HDAC8: variants seen among roughly 807,000 people sequenced by gnomAD.
The protein encoded by HDAC8 is histone deacetylase 8, also known as histone deacetylase-like 1.
HDAC8 carries 1 observed loss-of-function variant against 32.2 expected under a neutral mutation model. The observed-to-expected ratio is 0.03, with a 90% CI of 0.01 to 0.15. The LOEUF (loss-of-function observed/expected upper bound fraction) is 0.15, where lower values mean the gene tolerates loss of function less well. Among genes scored for constraint, HDAC8 ranks in the 10% least tolerant of loss-of-function variants. HDAC8 has a pLI of 1.00. For synonymous variants in HDAC8, 108 were observed against 113.9 expected (o/e 0.95, Z 0.33); for missense variants, 117 against 300.0 (o/e 0.39, Z 4.51).
chrX:72,345,953 G>T (rs2044016604), intron 10 of HDAC8, among the ~76,000 whole-genome samples: 1 of 111,850 alleles, frequency 8.9e-6, no homozygotes, highest in Non-Finnish European at 1.9e-5. Context: ...CAAAGTGCTG[G>T]ATTACAAGCT....
intron 9 of HDAC8, among the ~76,000 whole-genome samples, chrX:72,359,727 T>G (rs1285545410): frequency 9.2e-6 from 1 of 109,263 alleles, no homozygotes; most frequent in Non-Finnish European, 1.9e-5. Flanking sequence ...TGAACCAGAG[T>G]GATTGCTGTG....
At chrX:72,487,649 C>T (rs963959588) in intron 7 of HDAC8, among the ~76,000 whole-genome samples, 8 of 107,976 alleles carry the variant, frequency 7.4e-5, no homozygotes, top group African/African-American at 2.7e-4. Flanking sequence ...GAGTGCTGAC[C>T]TTTCAATTAA....
chrX:72,556,154 G>A (rs1382014167), intron 4 of HDAC8, among the ~76,000 whole-genome samples: 2 of 111,819 alleles, frequency 1.8e-5, no homozygotes, highest in Non-Finnish European at 3.8e-5. Flanking sequence ...TGGAAACTAA[G>A]CTTCATAAAT....
intron 9 of HDAC8, among the ~76,000 whole-genome samples, chrX:72,449,423 T>C (rs1555986558): frequency 9.0e-6 from 1 of 110,560 alleles, no homozygotes; most frequent in African/African-American, 3.3e-5. Flanking sequence ...CACTGGGTCC[T>C]GTTGGGGTTG....
intron 9 of HDAC8, among the ~76,000 whole-genome samples, chrX:72,419,730 T>C (rs1315364275): frequency 2.7e-5 from 3 of 111,505 alleles, no homozygotes; most frequent in Admixed American, 1.9e-4. Context: ...AGTATGACAT[T>C]AGCTGTAGGT....
In HDAC8 at chrX:72,383,645, C is replaced by T. The variant is rs1291916234; in HGVS notation, c.1006-31807G>A. ...CAGCACTTTGGGAGGCCGAGGCGGG[C>T]GGATCACGAGGTCAGGAGATCGAGA... On this transcript the variant is annotated intron_variant, in intron 9 of 10. Transcript: ENST00000373573. 4.5e-5 allele frequency among the ~76,000 whole-genome samples: 5 copies of T among 110,490 alleles called. No individual in the cohort carries two copies. In the South Asian group the frequency reaches 1.2e-3, roughly 26 times the overall value.
intron 9 of HDAC8, among the ~76,000 whole-genome samples, chrX:72,420,554 T>C (rs1362719471): frequency 8.9e-6 from 1 of 112,445 alleles, no homozygotes; most frequent in East Asian, 2.8e-4. Context: ...AAACAAATTT[T>C]GGCTTTGATT....
intron 9 of HDAC8, among the ~76,000 whole-genome samples, chrX:72,417,535 G>A (rs1172973031): frequency 4.5e-5 from 5 of 111,475 alleles, no homozygotes; most frequent in Non-Finnish European, 9.4e-5. Context: ...TTTCTACAAT[G>A]AGAATTATAA....
chrX:72,418,481 A>C (rs1205171899), intron 9 of HDAC8, among the ~76,000 whole-genome samples: 1 of 112,087 alleles, frequency 8.9e-6, no homozygotes, highest in Non-Finnish European at 1.9e-5. Flanking sequence ...AACCACAGTG[A>C]GATACCATTT....
At chrX:72,452,057 A>G (rs1165279678) in intron 9 of HDAC8, among the ~76,000 whole-genome samples, 1 of 112,720 alleles carries the variant, frequency 8.9e-6, no homozygotes, top group Admixed American at 9.4e-5. Flanking sequence ...GTAGAAGTCT[A>G]CTTGAGTCTT....
At chrX:72,358,978 C>A (rs902175358) in intron 9 of HDAC8, among the ~76,000 whole-genome samples, 8 of 111,746 alleles carry the variant, frequency 7.2e-5, no homozygotes, top group Non-Finnish European at 1.5e-4. Context: ...CTGCTGCTCA[C>A]CTCTTGCTGT....
intron 9 of HDAC8, among the ~76,000 whole-genome samples, chrX:72,445,478 A>G (rs1305762318): frequency 1.8e-5 from 2 of 112,311 alleles, no homozygotes; most frequent in African/African-American, 6.5e-5. Flanking sequence ...CTGGCTAACC[A>G]TATGTAGAAA....
At chrX:72,373,154 G>A (rs1402626220) in intron 9 of HDAC8, among the ~76,000 whole-genome samples, 4 of 112,537 alleles carry the variant, frequency 3.6e-5, no homozygotes, top group Non-Finnish European at 5.6e-5. Context: ...TGGTCTGTGT[G>A]ACTCCAAAAA....
intron 2 of HDAC8, among the ~76,000 whole-genome samples, chrX:72,571,003 C>G: frequency 8.9e-6 from 1 of 112,133 alleles, no homozygotes; most frequent in Non-Finnish European, 1.9e-5. Flanking sequence ...CGGCTCACTG[C>G]AAGCTCCGCC....
At chrX:72,460,161 G>A (rs1407459846) in intron 9 of HDAC8, among the ~76,000 whole-genome samples, 1 of 110,719 alleles carries the variant, frequency 9.0e-6, no homozygotes, top group Non-Finnish European at 1.9e-5. Flanking sequence ...TTTTGAGACG[G>A]AGTGTCACAC....
chrX:72,533,582 G>A (rs1033378419), intron 4 of HDAC8, among the ~76,000 whole-genome samples: 2 of 111,407 alleles, frequency 1.8e-5, no homozygotes, highest in Non-Finnish European at 3.8e-5. Flanking sequence ...ACAGACTAAC[G>A]TCTTTTCCTT....
At chrX:72,492,098 AT>A (rs1212478378) in intron 5 of HDAC8, among the ~76,000 whole-genome samples, 2 of 112,269 alleles carry the variant, frequency 1.8e-5, no homozygotes, top group African/African-American at 6.5e-5. Context: ...AGTAAAAAAA[AT>A]AAAACAAACA....
At chrX:72,454,662 T>G (rs1337707995) in intron 9 of HDAC8, among the ~76,000 whole-genome samples, 1 of 112,501 alleles carries the variant, frequency 8.9e-6, no homozygotes, top group Non-Finnish European at 1.9e-5. Context: ...ATATATTAAG[T>G]GTAGACATGA....
chrX:72,572,628 T>A, intron 1 of HDAC8, 23 bp downstream of exon 1: 1 of 323,820 alleles, frequency 3.1e-6, no homozygotes, highest in Non-Finnish European at 4.9e-6. Flanking sequence ...AAGCCCATGG[T>A]CTTTCATCCC....
Sources: gnomAD v4.1 joint callset for allele counts (sites outside exome capture counted in the v4.1 genomes callset) on GRCh38, gnomAD v4.1.1 for gene constraint, MANE v1.5 for transcripts, NCBI Gene and HGNC (gene_info 2026-07-23, HGNC 2026-07-21) for gene names.